Variants in MSANTD2 observed in about 807,000 individuals in gnomAD.
MSANTD2 encodes the protein Myb/SANT DNA binding domain containing 2.
MSANTD2 carries 19 observed loss-of-function variants against 52.6 expected under a neutral mutation model. The observed-to-expected ratio is 0.36, with a 90% CI of 0.25 to 0.53. The LOEUF is 0.53. MSANTD2 is among the 20% of genes least tolerant of loss of function. MSANTD2 has a pLI of 0.91. For synonymous variants in MSANTD2, 291 were observed against 289.7 expected (o/e 1.00, Z -0.04); for missense variants, 558 against 716.3 (o/e 0.78, Z 2.52).
intron 1 of MSANTD2, among the ~76,000 whole-genome samples, 188 bp downstream of exon 1, chr11:124,799,683 T>C (rs891909401): frequency 1.3e-5 from 2 of 152,136 alleles, no homozygotes; most frequent in African/African-American, 4.8e-5. Context: ...TCAGGAAACC[T>C]ACGGGCTGGC....
rs761362595 is a variant in MSANTD2, at chr11:124,772,979, G to A, written c.827+15C>T. 3 of 1,510,684 alleles carry A rather than the reference G, an allele frequency of 2.0e-6. No homozygotes were observed. The South Asian group carries it at 3.4e-5, about 17-fold the overall frequency. 93.6% of individuals were successfully genotyped at this position (1,510,684 alleles called of 1,614,324 possible). On this transcript the variant is annotated intron_variant, in intron 3 of 3. Coordinates refer to ENST00000374979, the MANE Select transcript of MSANTD2 (RefSeq NM_001308027.2). ...AGGCAGACACACTTTCTGGAAAGGT[G>A]AAGCATCTACTTACTGTGCTTCTTC... is the stretch of plus-strand genomic sequence containing the variant.
chr11:124,784,202 A>G (rs1376004009), intron 1 of MSANTD2: 6 of 985,142 alleles, frequency 6.1e-6, no homozygotes, highest in Non-Finnish European at 7.2e-6. Context: ...CTGGGATTAG[A>G]GGCTATTTTC....
chr11:124,766,835 C>CA lies in MSANTD2; in HGVS notation c.*340dup. The CA allele has an allele frequency of 5.4e-6, 1 of 185,866 alleles. No homozygotes were observed. Among genetic ancestry groups the CA allele is most frequent in the Non-Finnish European group, 1.1e-5 (1 of 90,794 alleles). 11.5% of individuals were successfully genotyped at this position (185,866 alleles called of 1,614,324 possible). ...CAATTTTTCAATTTCATATGAAACT[C>CA]AAAGTATAAGTTTTGTCCAATATGG... On this transcript the variant is annotated 3_prime_UTR_variant, in exon 4 of 4. Transcript: ENST00000374979.
chr11:124,782,672 T>G (rs1309751065), intron 1 of MSANTD2, among the ~76,000 whole-genome samples: 1 of 152,154 alleles, frequency 6.6e-6, no homozygotes, highest in Non-Finnish European at 1.5e-5. Flanking sequence ...CTCCATGAGG[T>G]AAGGATTTTA....
chr11:124,782,323 G>A (rs1034302453), intron 1 of MSANTD2, among the ~76,000 whole-genome samples: 1 of 151,860 alleles, frequency 6.6e-6, no homozygotes, highest in African/African-American at 2.4e-5. Flanking sequence ...GTGGTGGTGT[G>A]CACCTGCAGT....
At chr11:124,783,158 G>A (rs945816069) in intron 1 of MSANTD2, among the ~76,000 whole-genome samples, 5 of 152,122 alleles carry the variant, frequency 3.3e-5, no homozygotes, top group African/African-American at 1.2e-4. Flanking sequence ...CACCACAAAC[G>A]AAGAGATCTT....
intron 1 of MSANTD2, among the ~76,000 whole-genome samples, chr11:124,780,665 G>T (rs1199066474): frequency 6.6e-6 from 1 of 152,068 alleles, no homozygotes; most frequent in Non-Finnish European, 1.5e-5. Flanking sequence ...GCATTATGTA[G>T]TTCTTTCCTC....
rs1944647937 is a variant in MSANTD2, at chr11:124,774,105, A to G, written c.766+614T>C. Among the ~76,000 whole-genome samples the G allele has an allele frequency of 6.6e-6, 1 of 152,252 alleles. No individual in the cohort carries two copies. The highest frequency in any genetic ancestry group is 1.5e-5 in the Non-Finnish European group (1 of 68,054). On this transcript the variant is annotated intron_variant, in intron 2 of 3. Transcript: ENST00000374979. The surrounding 1 kb of genome is among the most constrained non-coding windows in gnomAD (Gnocchi z 5.1). ...ATTTTTAATGCCTATGACTGTATAAATAATTCCAGCTACTGTTGGGATGCG... is the reference window on the plus strand; with the variant it reads ...ATTTTTAATGCCTATGACTGTATAAGTAATTCCAGCTACTGTTGGGATGCG...
chr11:124,778,483 T>A (rs1944830964), intron 1 of MSANTD2, among the ~76,000 whole-genome samples: 1 of 152,150 alleles, frequency 6.6e-6, no homozygotes. Flanking sequence ...GAGGAAGAGT[T>A]GTGAGAGAAT....
At chr11:124,790,436 T>C (rs757604122) in intron 1 of MSANTD2, 2 of 152,244 alleles carry the variant, frequency 1.3e-5, no homozygotes, top group Admixed American at 6.5e-5. Context: ...GAGAAGTAGA[T>C]AGTGAGTTGT....
intron 3 of MSANTD2, among the ~76,000 whole-genome samples, chr11:124,770,064 G>A (rs1288373637): frequency 2.0e-5 from 3 of 152,200 alleles, no homozygotes; most frequent in Non-Finnish European, 4.4e-5. Context: ...AACAATTCCT[G>A]AGAACTGTCT....
At chr11:124,798,969 G>A (rs952558340) in intron 1 of MSANTD2, among the ~76,000 whole-genome samples, 2 of 152,110 alleles carry the variant, frequency 1.3e-5, no homozygotes, top group African/African-American at 4.8e-5. Context: ...ATACAAATAT[G>A]AAAGCCTAGA....
At chr11:124,799,164 C>A (rs954203193) in intron 1 of MSANTD2, among the ~76,000 whole-genome samples, 5 of 152,168 alleles carry the variant, frequency 3.3e-5, no homozygotes, top group Non-Finnish European at 7.3e-5. Flanking sequence ...CCTAAGAAAC[C>A]GCAGGGCCTC....
chr11:124,774,664 A>G lies in MSANTD2; in HGVS notation c.766+55T>C, dbSNP rs919560505. On this transcript the variant is annotated intron_variant, in intron 2 of 3. Transcript: ENST00000374979. The surrounding 1 kb of genome is among the most constrained non-coding windows in gnomAD (Gnocchi z 5.1). ...AGGTAATAAGTACTGGTGCACATAC[A>G]TAAAGGTATATAAATATACACAAAC... 11 of 1,544,340 alleles carry G rather than the reference A, an allele frequency of 7.1e-6. No homozygotes were observed. The highest frequency in any genetic ancestry group is 9.8e-6 in the Non-Finnish European group (11 of 1,126,878).
intron 2 of MSANTD2, among the ~76,000 whole-genome samples, chr11:124,773,804 G>C (rs934613737): frequency 2.0e-5 from 3 of 152,160 alleles, no homozygotes; most frequent in African/African-American, 7.2e-5. Flanking sequence ...CAGGGAGCAT[G>C]TTTATACTGC....
At chr11:124,787,232 C>T (rs189070717) in intron 1 of MSANTD2, among the ~76,000 whole-genome samples, 2 of 152,228 alleles carry the variant, frequency 1.3e-5, no homozygotes, top group Admixed American at 6.5e-5. Flanking sequence ...TGTGGTATCA[C>T]GAGGCGCAAC....
At chr11:124,791,306 G>A in intron 1 of MSANTD2, 2 of 1,440,464 alleles carry the variant, frequency 1.4e-6, no homozygotes. Flanking sequence ...CCCTGTGGCT[G>A]GAGGGTCTCC....
At chr11:124,780,825 A>G (rs1367330865) in intron 1 of MSANTD2, among the ~76,000 whole-genome samples, 2 of 152,220 alleles carry the variant, frequency 1.3e-5, no homozygotes, top group African/African-American at 4.8e-5. Flanking sequence ...AAGCAGCATT[A>G]ATTTCCTTTA....
intron 1 of MSANTD2, chr11:124,792,604 T>A (rs1945367143): frequency 6.6e-6 from 1 of 152,206 alleles, no homozygotes; most frequent in African/African-American, 2.4e-5. Flanking sequence ...TGTAGCACCA[T>A]AAGCATAACA....
Sources: allele counts gnomAD v4.1 joint callset (sites outside exome capture counted in the v4.1 genomes callset), GRCh38; gene constraint gnomAD v4.1.1; non-coding constraint Gnocchi (gnomAD v3.1); transcripts MANE v1.5; gene names NCBI Gene and HGNC (gene_info 2026-07-23, HGNC 2026-07-21).